The following CACNA2D1 variants were observed in gnomAD, a reference collection of about 807,000 sequenced individuals.
CACNA2D1 encodes calcium voltage-gated channel auxiliary subunit alpha2delta 1, also known as voltage-dependent calcium channel subunit alpha-2/delta-1.
Under a neutral mutation model 171.5 loss-of-function variants are expected in CACNA2D1, and 53 were observed. The observed-to-expected ratio is 0.31, with a 90% confidence interval of 0.25 to 0.39. The LOEUF is 0.39. CACNA2D1 is among the 10% of genes least tolerant of loss of function. The pLI is 1.00. For missense variants in CACNA2D1, 903 were observed against 1,299.8 expected (o/e 0.69, Z 4.69); for synonymous variants, 442 against 443.1 (o/e 1.00, Z 0.03).
intron 3 of CACNA2D1, among the ~76,000 whole-genome samples, chr7:82,329,343 G>A (rs1817015565): frequency 6.6e-6 from 1 of 152,098 alleles, no homozygotes; most frequent in South Asian, 2.1e-4. Flanking sequence ...AAGTTACCAG[G>A]ACAACCAGAG....
chr7:82,352,974 T>C (rs1006150186), intron 1 of CACNA2D1, among the ~76,000 whole-genome samples: 8 of 152,160 alleles, frequency 5.3e-5, no homozygotes, highest in Admixed American at 2.0e-4. Context: ...ATTTAGGTTA[T>C]ATTCTCAAAA....
intron 4 of CACNA2D1, among the ~76,000 whole-genome samples, chr7:82,145,145 A>T (rs192663376): frequency 1.1e-4 from 16 of 150,538 alleles, no homozygotes; most frequent in Non-Finnish European, 2.2e-4. Context: ...CTTATCCTCA[A>T]TCAAATACTT....
At chr7:82,157,481 G>T (rs1584949258) in intron 4 of CACNA2D1, among the ~76,000 whole-genome samples, 1 of 152,086 alleles carries the variant, frequency 6.6e-6, no homozygotes, top group South Asian at 2.1e-4. Flanking sequence ...AAACTTCGAG[G>T]ATTAAAATCC....
Position 81,948,815 on chromosome 7 carries a change from T to C in CACNA2D1, c.*1577A>G, listed in dbSNP as rs1300997194. On this transcript the variant is annotated 3_prime_UTR_variant, in exon 39 of 39. Coordinates refer to ENST00000356860, the MANE Select transcript of CACNA2D1 (RefSeq NM_000722.4). ...TTACACATTCATAGTTTTTACCTTT[T>C]CTTCAAATACTGTTTGCTCCAGAAA... 6.6e-6 allele frequency: 1 copy of C among 151,968 alleles called. No individual in the cohort carries two copies. Among genetic ancestry groups the C allele is most frequent in the Non-Finnish European group, 1.5e-5 (1 of 67,880 alleles). 9.4% of individuals were successfully genotyped at this position (151,968 alleles called of 1,614,324 possible).
At chr7:82,381,688 G>GA (rs34530734) in intron 1 of CACNA2D1, among the ~76,000 whole-genome samples, 23,782 of 151,994 alleles carry the variant, frequency 0.16, 2,084 homozygotes, top group Middle Eastern at 0.26. Flanking sequence ...TAAGCACCAG[G>GA]AAAAAATACT....
intron 9 of CACNA2D1, among the ~76,000 whole-genome samples, chr7:82,063,451 T>C (rs968228388): frequency 6.6e-6 from 1 of 152,166 alleles, no homozygotes; most frequent in African/African-American, 2.4e-5. Flanking sequence ...CTAAATTAAA[T>C]TGGTTTACTT....
At chr7:82,277,360 C>T (rs368263879) in intron 3 of CACNA2D1, among the ~76,000 whole-genome samples, 6 of 151,974 alleles carry the variant, frequency 3.9e-5, no homozygotes, top group African/African-American at 1.5e-4. Context: ...CACCACCACG[C>T]CCAGATAATT....
chr7:82,331,737 C>G (rs1327386504), intron 3 of CACNA2D1, among the ~76,000 whole-genome samples: 6 of 152,086 alleles, frequency 3.9e-5, no homozygotes, highest in African/African-American at 1.4e-4. Flanking sequence ...CTATTTTAAT[C>G]CAATTAAGGC....
At chr7:82,103,718 C>G (rs2129039189) in intron 6 of CACNA2D1, among the ~76,000 whole-genome samples, 1 of 152,124 alleles carries the variant, frequency 6.6e-6, no homozygotes, top group Middle Eastern at 3.4e-3. Flanking sequence ...CAATTTTAAT[C>G]TTAGCACATC....
At chr7:82,278,520 T>C (rs1809650308) in intron 3 of CACNA2D1, among the ~76,000 whole-genome samples, 1 of 135,636 alleles carries the variant, frequency 7.4e-6, no homozygotes, top group Non-Finnish European at 1.5e-5. Flanking sequence ...ATCATACCAC[T>C]GCACTCCAGC....
Position 82,231,177 on chromosome 7 carries a change from G to C in CACNA2D1, c.295-60568C>G, listed in dbSNP as rs528482266. On this transcript the variant is annotated intron_variant, in intron 3 of 38. Transcript: ENST00000356860. The stretch of plus-strand genomic sequence containing the variant: ...CCTGCCCTCAAGTCCTCCCCTTCCA[G>C]GGAAGGCTGGAAAGGGCTTGAACCA... 1.1e-4 allele frequency among the ~76,000 whole-genome samples: 16 copies of C among 152,272 alleles called. 1 individual carries two copies. The South Asian group carries it at 3.3e-3, about 32-fold the overall frequency.
intron 4 of CACNA2D1, among the ~76,000 whole-genome samples, chr7:82,169,331 A>G (rs951536237): frequency 1.3e-5 from 2 of 152,028 alleles, no homozygotes; most frequent in African/African-American, 4.8e-5. Flanking sequence ...GGTTGTAGAC[A>G]AAGCCAATAC....
intron 1 of CACNA2D1, among the ~76,000 whole-genome samples, chr7:82,421,625 G>A (rs1252319314): frequency 6.6e-6 from 1 of 151,972 alleles, no homozygotes; most frequent in Non-Finnish European, 1.5e-5. Flanking sequence ...GGGAAAGAGA[G>A]GCAGATGAAT....
chr7:81,987,451 C>A (rs933412191), intron 21 of CACNA2D1, among the ~76,000 whole-genome samples: 1 of 152,214 alleles, frequency 6.6e-6, no homozygotes, highest in East Asian at 1.9e-4. Flanking sequence ...CTATAACACA[C>A]TTTTCAACTC....
chr7:82,341,656 T>C (rs974776948), intron 2 of CACNA2D1, among the ~76,000 whole-genome samples: 1 of 152,148 alleles, frequency 6.6e-6, no homozygotes, highest in African/African-American at 2.4e-5. Context: ...CTAATGCAAA[T>C]ACCAACTGCT....
chr7:82,052,665 C>A (rs758171302), intron 10 of CACNA2D1, among the ~76,000 whole-genome samples: 5 of 151,836 alleles, frequency 3.3e-5, no homozygotes, highest in Non-Finnish European at 7.4e-5. Context: ...GTGGTTGACA[C>A]TAAAGATTAT....
rs530727504 is a variant in CACNA2D1 at position 82,166,077 on chromosome 7, C to T, written c.354+4473G>A. On this transcript the variant is annotated intron_variant, in intron 4 of 38. Coordinates refer to ENST00000356860, the MANE Select transcript of CACNA2D1 (RefSeq NM_000722.4). ...ATGTTTCTGCTACAATCAATAAAAA[C>T]GATGCAATTTCATGAAATGAATAAG... 6.6e-5 allele frequency among the ~76,000 whole-genome samples: 10 copies of T among 151,988 alleles called. No homozygotes were observed. In the South Asian group the frequency reaches 1.5e-3, roughly 22 times the overall value.
At chr7:82,300,506 A>G (rs905289750) in intron 3 of CACNA2D1, among the ~76,000 whole-genome samples, 2 of 152,352 alleles carry the variant, frequency 1.3e-5, no homozygotes, top group South Asian at 4.1e-4. Flanking sequence ...AAAGGTTATC[A>G]GAATATATAT....
rs1585608842 is a variant in CACNA2D1 at position 82,350,474 on chromosome 7, G to A, written c.96-825C>T. On this transcript the variant is annotated intron_variant, in intron 1 of 38. Transcript: ENST00000356860. ...AGGTCAGGAGATTGACACCATCCTGGCTAACACGGTGAAACCCCGTCTCTA... is the reference window on the plus strand; with the variant it reads ...AGGTCAGGAGATTGACACCATCCTGACTAACACGGTGAAACCCCGTCTCTA... 2.0e-5 allele frequency among the ~76,000 whole-genome samples: 3 copies of A among 152,202 alleles called. No individual in the cohort carries two copies. The East Asian group carries it at 5.8e-4, about 29-fold the overall frequency.
Sources: gnomAD v4.1 joint callset for allele counts (sites outside exome capture counted in the v4.1 genomes callset) on GRCh38, gnomAD v4.1.1 for gene constraint, MANE v1.5 for transcripts, NCBI Gene and HGNC (gene_info 2026-07-23, HGNC 2026-07-21) for gene names.